CCDC85A: variants seen among roughly 807,000 people sequenced by gnomAD.
CCDC85A encodes coiled-coil domain containing 85A, also known as coiled-coil domain-containing protein 85A.
In CCDC85A, 38 loss-of-function variants were observed where a neutral mutation model predicts 50.2. The observed-to-expected ratio is 0.76, with a 90% confidence interval of 0.58 to 0.99. The LOEUF (loss-of-function observed/expected upper bound fraction) is 0.99, where lower values mean the gene tolerates loss of function less well. Among genes scored for constraint, CCDC85A ranks in the 50% least tolerant of loss-of-function variants. The pLI is 0.00. For missense variants in CCDC85A, 820 were observed against 742.0 expected (o/e 1.11, Z -1.22); for synonymous variants, 366 against 301.4 (o/e 1.21, Z -2.22).
intron 2 of CCDC85A, among the ~76,000 whole-genome samples, chr2:56,332,513 C>T (rs1673860296): frequency 6.6e-6 from 1 of 152,060 alleles, no homozygotes; most frequent in African/African-American, 2.4e-5. Context: ...TTAAGGGCTC[C>T]GTCTCTTAAT....
chr2:56,185,934 C>T (rs564850830), intron 1 of CCDC85A, among the ~76,000 whole-genome samples: 109 of 152,176 alleles, frequency 7.2e-4, no homozygotes, highest in Non-Finnish European at 1.5e-3. Flanking sequence ...AGCAAATTCC[C>T]GAAGGCACAA....
chr2:56,341,664 A>C (rs11125623), intron 2 of CCDC85A, among the ~76,000 whole-genome samples: 19,388 of 152,246 alleles, frequency 0.13, 1,362 homozygotes, highest in East Asian at 0.31. Flanking sequence ...TAAAGCCATA[A>C]ACTTTAGAGT....
chr2:56,321,078 C>G (rs919745012), intron 2 of CCDC85A, among the ~76,000 whole-genome samples: 1 of 152,106 alleles, frequency 6.6e-6, no homozygotes, highest in Non-Finnish European at 1.5e-5. Flanking sequence ...AGGCCTCTGA[C>G]AAAATTCAAC....
At chr2:56,263,215 G>A (rs1376928251) in intron 2 of CCDC85A, among the ~76,000 whole-genome samples, 2 of 152,146 alleles carry the variant, frequency 1.3e-5, no homozygotes, top group African/African-American at 2.4e-5. Context: ...CTGTAGCCCT[G>A]ATGCATAAGG....
intron 2 of CCDC85A, among the ~76,000 whole-genome samples, chr2:56,263,533 C>T (rs770219231): frequency 3.3e-5 from 5 of 152,116 alleles, no homozygotes; most frequent in African/African-American, 4.8e-5. Context: ...CCTCAGTTTG[C>T]ACTCTAGCTG....
chr2:56,307,346 A>AG lies in CCDC85A; in HGVS notation c.1241-35533_1241-35532insG, dbSNP rs1327407118. ...TCATATATGCTTTTTTTAAAAAAAAACTGTGTTCAAGTCCCAGTACAATCA... is the reference window on the plus strand; with the variant it reads ...TCATATATGCTTTTTTTAAAAAAAAAGCTGTGTTCAAGTCCCAGTACAATCA... On this transcript the variant is annotated intron_variant, in intron 2 of 5. Coordinates refer to ENST00000407595, the MANE Select transcript of CCDC85A (RefSeq NM_001080433.2). 3.3e-5 allele frequency among the ~76,000 whole-genome samples: 5 copies of AG among 152,252 alleles called. No homozygotes were observed. The East Asian group carries it at 9.6e-4, about 29-fold the overall frequency.
chr2:56,336,972 A>G (rs574492883), intron 2 of CCDC85A, among the ~76,000 whole-genome samples: 2 of 152,368 alleles, frequency 1.3e-5, no homozygotes, highest in South Asian at 4.1e-4. Context: ...GTGCTCGAGT[A>G]ATGAAACACA....
chr2:56,197,330 G>A (rs192432911), intron 2 of CCDC85A, among the ~76,000 whole-genome samples: 11 of 152,192 alleles, frequency 7.2e-5, no homozygotes, highest in Admixed American at 7.2e-4. Flanking sequence ...CCCTAGTTGT[G>A]GTAATAAAAA....
At chr2:56,359,090 A>T (rs904693088) in intron 3 of CCDC85A, among the ~76,000 whole-genome samples, 1 of 151,458 alleles carries the variant, frequency 6.6e-6, no homozygotes, top group South Asian at 2.1e-4. Flanking sequence ...AGGCATGAGT[A>T]TGTTTTCATT....
At chr2:56,206,299 G>C (rs754740939) in intron 2 of CCDC85A, among the ~76,000 whole-genome samples, 49 of 152,058 alleles carry the variant, frequency 3.2e-4, no homozygotes, top group Non-Finnish European at 6.8e-4. Flanking sequence ...ATCTTGTTGG[G>C]ATTTTAAATT....
At chr2:56,267,696 C>T (rs981908691) in intron 2 of CCDC85A, among the ~76,000 whole-genome samples, 1 of 152,130 alleles carries the variant, frequency 6.6e-6, no homozygotes, top group Admixed American at 6.5e-5. Context: ...AGAGGAGTGC[C>T]AAATAGACCC....
At chr2:56,213,904 TA>T (rs1309318586) in intron 2 of CCDC85A, among the ~76,000 whole-genome samples, 4 of 151,830 alleles carry the variant, frequency 2.6e-5, no homozygotes, top group Non-Finnish European at 5.9e-5. Context: ...GATAACCCTG[TA>T]TAGTGAATTG....
intron 3 of CCDC85A, among the ~76,000 whole-genome samples, chr2:56,368,527 A>C (rs1675917316): frequency 6.6e-6 from 1 of 152,158 alleles, no homozygotes; most frequent in African/African-American, 2.4e-5. Context: ...TAAACTAGGC[A>C]TACACTCTGA....
chr2:56,184,769 A>C lies in CCDC85A; in HGVS notation c.145A>C (p.Lys49Gln). 2.6e-6 allele frequency: 4 copies of C among 1,546,228 alleles called. No homozygotes were observed. The highest frequency in any genetic ancestry group is 3.5e-6 in the Non-Finnish European group (4 of 1,145,964). Residue 49 changes from lysine (K) to glutamine (Q), a missense_variant, in exon 1 of 6, where the codon AAG becomes CAG. Transcript: ENST00000407595. ...VSDEELLQWS[K>Q]EELIRSLRRA... ...GGACGAGGAGCTGCTGCAGTGGAGC[A>C]AGGAGGAGCTGATCCGCAGCCTGCG...
chr2:56,359,907 A>C (rs1402341526), intron 3 of CCDC85A, among the ~76,000 whole-genome samples: 2 of 152,196 alleles, frequency 1.3e-5, no homozygotes, highest in East Asian at 3.9e-4. Context: ...GGGAATCTGC[A>C]AGGTGCTTTC....
At chr2:56,185,105 G>A (rs1228655258) in intron 1 of CCDC85A, among the ~76,000 whole-genome samples, 1 of 143,802 alleles carries the variant, frequency 7.0e-6, no homozygotes, top group Non-Finnish European at 1.6e-5. Context: ...CCCCAACACG[G>A]GGCGCTCCAC....
intron 2 of CCDC85A, among the ~76,000 whole-genome samples, chr2:56,260,131 G>A (rs903188721): frequency 8.5e-5 from 13 of 152,190 alleles, no homozygotes; most frequent in African/African-American, 3.1e-4. Flanking sequence ...GAAGACTGAT[G>A]GGAACCAGAA....
chr2:56,256,628 G>T (rs549235630), intron 2 of CCDC85A, among the ~76,000 whole-genome samples: 2 of 152,296 alleles, frequency 1.3e-5, no homozygotes, highest in Admixed American at 1.3e-4. Context: ...AAGTAGGGCA[G>T]GCCCTTTTTA....
At chr2:56,332,675 GC>G (rs1400027894) in intron 2 of CCDC85A, among the ~76,000 whole-genome samples, 1 of 97,902 alleles carries the variant, frequency 1.0e-5, no homozygotes, top group Non-Finnish European at 2.0e-5. Flanking sequence ...CTCTCTCACT[GC>G]CCCCCCTTTT....
Sources: gnomAD v4.1 joint callset for allele counts (sites outside exome capture counted in the v4.1 genomes callset) on GRCh38, gnomAD v4.1.1 for gene constraint, MANE v1.5 for transcripts, NCBI Gene and HGNC (gene_info 2026-07-23, HGNC 2026-07-21) for gene names.